The following ADGRL3 variants were observed in gnomAD, a reference collection of about 807,000 sequenced individuals.
The protein encoded by ADGRL3 is adhesion G protein-coupled receptor L3.
ADGRL3 carries 62 observed loss-of-function variants against 153.5 expected under a neutral mutation model. That is an observed-to-expected ratio of 0.40 (90% CI 0.33 to 0.50). The LOEUF (loss-of-function observed/expected upper bound fraction) is 0.50. Among genes scored for constraint, ADGRL3 ranks in the 20% least tolerant of loss-of-function variants. ADGRL3 has a pLI of 0.47. For missense variants in ADGRL3, 1,641 were observed against 1,859.4 expected (o/e 0.88, Z 2.16); for synonymous variants, 710 against 672.5 (o/e 1.06, Z -0.86).
At chr4:61,750,224 A>AT (rs1270528905) in intron 8 of ADGRL3, among the ~76,000 whole-genome samples, 3 of 146,484 alleles carry the variant, frequency 2.0e-5, no homozygotes, top group East Asian at 4.1e-4. Flanking sequence ...ATTCCCTACT[A>AT]TTTTTTAGGT....
intron 1 of ADGRL3, among the ~76,000 whole-genome samples, chr4:61,224,282 A>G (rs1746939551): frequency 6.6e-6 from 1 of 152,138 alleles, no homozygotes; most frequent in African/African-American, 2.4e-5. Flanking sequence ...GTGTTTATGT[A>G]TCTTAATTTG....
At chr4:61,619,301 T>G (rs2092317481) in intron 5 of ADGRL3, among the ~76,000 whole-genome samples, 1 of 152,146 alleles carries the variant, frequency 6.6e-6, no homozygotes, top group African/African-American at 2.4e-5. Context: ...CTTTTTTAAA[T>G]TGTAATCTTT....
chr4:61,208,626 C>T (rs951426825), intron 1 of ADGRL3, among the ~76,000 whole-genome samples: 1 of 152,010 alleles, frequency 6.6e-6, no homozygotes, highest in Non-Finnish European at 1.5e-5. Context: ...CACTTTAGAA[C>T]TCATGAAGGG....
Position 62,048,508 on chromosome 4 carries a change from G to A in ADGRL3, c.3814+3959G>A, listed in dbSNP as rs1042575695. 9.9e-5 allele frequency among the ~76,000 whole-genome samples: 15 copies of A among 151,884 alleles called. No homozygotes were observed. The East Asian group carries it at 1.8e-3, about 18-fold the overall frequency. On this transcript the variant is annotated intron_variant, in intron 25 of 26. Coordinates refer to ENST00000683033, the MANE Select transcript of ADGRL3 (RefSeq NM_001387552.1). ...GAACTCCTGACCTCGTGATCCACCC[G>A]CCTTGGCCTCCCAAAGTGCTGGGAT...
intron 21 of ADGRL3, 126 bp downstream of exon 21, chr4:61,998,391 A>C: frequency 2.2e-6 from 1 of 457,232 alleles, no homozygotes; most frequent in Non-Finnish European, 3.8e-6. Flanking sequence ...TTTGCTAAAT[A>C]AGATTATTGA....
intron 8 of ADGRL3, among the ~76,000 whole-genome samples, chr4:61,745,737 A>G (rs577544648): frequency 6.6e-6 from 1 of 152,192 alleles, no homozygotes; most frequent in African/African-American, 2.4e-5. Context: ...AACAACTGGT[A>G]CCAGCCACTG....
chr4:61,348,500 G>A (rs2151276262), intron 1 of ADGRL3, among the ~76,000 whole-genome samples: 1 of 152,096 alleles, frequency 6.6e-6, no homozygotes, highest in South Asian at 2.1e-4. Flanking sequence ...TATCCTAGTA[G>A]TAGTGCCAGA....
chr4:61,217,665 G>C (rs1743451924), intron 1 of ADGRL3, among the ~76,000 whole-genome samples: 2 of 152,180 alleles, frequency 1.3e-5, no homozygotes, highest in Non-Finnish European at 2.9e-5. Context: ...AGCAGGAATA[G>C]GTAAGTTCTA....
chr4:62,013,898 A>AAT (rs1553910557), intron 21 of ADGRL3, among the ~76,000 whole-genome samples: 46 of 149,782 alleles, frequency 3.1e-4, no homozygotes, highest in Non-Finnish European at 5.0e-4. Flanking sequence ...AAAAAAAAAA[A>AAT]TTTTTTTTTT....
At chr4:61,350,823 C>T (rs1560506370) in intron 1 of ADGRL3, among the ~76,000 whole-genome samples, 1 of 152,098 alleles carries the variant, frequency 6.6e-6, no homozygotes, top group Non-Finnish European at 1.5e-5. Context: ...TGTTTTGTGT[C>T]ATCTGTCTCC....
chr4:61,518,692 T>G (rs570275211), intron 4 of ADGRL3, among the ~76,000 whole-genome samples: 1 of 152,332 alleles, frequency 6.6e-6, no homozygotes, highest in Admixed American at 6.5e-5. Flanking sequence ...TTGGCCTTTC[T>G]GCCTTGTAGT....
At chr4:61,508,310 CA>C (rs1444252980) in intron 3 of ADGRL3, among the ~76,000 whole-genome samples, 4 of 152,070 alleles carry the variant, frequency 2.6e-5, no homozygotes, top group African/African-American at 9.7e-5. Context: ...AATTAAAAAG[CA>C]ATCTTAAAAA....
At position 62,075,735 on chromosome 4, in the gene ADGRL3, A is replaced by T. The variant is rs1049038358; in HGVS notation, c.*4827A>T. On this transcript the variant is annotated 3_prime_UTR_variant, in exon 27 of 27. Transcript: ENST00000683033. Reference sequence around the variant, plus strand: ...AGCAACATTGCACAATAGCTTATGGAAGCATTTTTGTGCGAATGGATTTTA... The same window carrying T: ...AGCAACATTGCACAATAGCTTATGGTAGCATTTTTGTGCGAATGGATTTTA... The T allele has an allele frequency of 6.6e-6, 1 of 152,112 alleles. No individual in the cohort carries two copies. Among genetic ancestry groups the T allele is most frequent in the Non-Finnish European group, 1.5e-5 (1 of 68,036 alleles). The allele number at this position is 152,112 out of a possible 1,614,324, so 9.4% of individuals were successfully genotyped here. A position where few individuals can be genotyped will look rare whatever the true frequency, so the allele number is the denominator to read the frequency against.
At chr4:61,843,717 G>C (rs2098069347) in intron 9 of ADGRL3, among the ~76,000 whole-genome samples, 1 of 152,068 alleles carries the variant, frequency 6.6e-6, no homozygotes, top group South Asian at 2.1e-4. Context: ...ATCCAATAAA[G>C]ATTTCACTAG....
chr4:61,788,750 C>A (rs985981263), intron 8 of ADGRL3, among the ~76,000 whole-genome samples: 1 of 152,064 alleles, frequency 6.6e-6, no homozygotes, highest in Non-Finnish European at 1.5e-5. Context: ...AATACAAGAC[C>A]ATGTTAATGT....
At chr4:61,903,594 A>G (rs1292636282) in intron 11 of ADGRL3, among the ~76,000 whole-genome samples, 4 of 135,640 alleles carry the variant, frequency 2.9e-5, no homozygotes, top group Admixed American at 1.7e-4. Context: ...TGAGGCCAGG[A>G]GTTCAAGGCT....
intron 4 of ADGRL3, among the ~76,000 whole-genome samples, chr4:61,560,935 G>A (rs1008232411): frequency 2.2e-4 from 34 of 152,096 alleles, no homozygotes; most frequent in African/African-American, 7.5e-4. Context: ...TCATGGTAAC[G>A]GGTCGCTAAT....
At chr4:61,954,763 C>T (rs1309102028) in intron 17 of ADGRL3, among the ~76,000 whole-genome samples, 4 of 152,136 alleles carry the variant, frequency 2.6e-5, no homozygotes, top group Non-Finnish European at 5.9e-5. Context: ...CAAGATTTCT[C>T]ATCTCTTTCA....
In ADGRL3 at chr4:61,647,531, T is replaced by TA. The variant is rs369846829; in HGVS notation, c.474-29294dup. Among the ~76,000 whole-genome samples the TA allele has an allele frequency of 2.4e-4, 36 of 152,266 alleles. No individual in the cohort carries two copies. In the East Asian group the frequency reaches 5.6e-3, roughly 24 times the overall value. ...TGGTTTGTACGTGAGGGGGAAAAAGTATTTTCTTTTGACGTTAGCCTTTTC... is the reference window on the plus strand; with the variant it reads ...TGGTTTGTACGTGAGGGGGAAAAAGTAATTTTCTTTTGACGTTAGCCTTTTC... On this transcript the variant is annotated intron_variant, in intron 5 of 26. Transcript: ENST00000683033.
Sources: gnomAD v4.1 joint callset for allele counts (sites outside exome capture counted in the v4.1 genomes callset) on GRCh38, gnomAD v4.1.1 for gene constraint, MANE v1.5 for transcripts, NCBI Gene and HGNC (gene_info 2026-07-23, HGNC 2026-07-21) for gene names.